The following B3GALT1 variants were observed in gnomAD, a reference collection of about 807,000 sequenced individuals.
B3GALT1 encodes the protein beta-1,3-galactosyltransferase 1.
B3GALT1 carries 10 observed loss-of-function variants against 23.2 expected under a neutral mutation model. The ratio of observed to expected loss-of-function variants is 0.43; its 90% CI spans 0.27 to 0.73. The LOEUF (loss-of-function observed/expected upper bound fraction) is 0.73, where lower values mean the gene tolerates loss of function less well. Ranked by LOEUF, B3GALT1 falls within the 30% of genes least tolerant of loss-of-function variation. The pLI is 0.21. For missense variants in B3GALT1, 299 were observed against 405.4 expected (o/e 0.74, Z 2.25); for synonymous variants, 156 against 141.5 (o/e 1.10, Z -0.73).
chr2:167,633,899 T>A (rs1237314566), intron 2 of B3GALT1, among the ~76,000 whole-genome samples: 1 of 152,100 alleles, frequency 6.6e-6, no homozygotes, highest in Non-Finnish European at 1.5e-5. Context: ...TACATTCTTC[T>A]CAGCACCACA....
At position 167,555,160 on chromosome 2, in the gene B3GALT1, A is replaced by G. The variant is rs189672435; in HGVS notation, c.-410+64883A>G. ...CAAAGTCACAGTTTCTATCCAATCT[A>G]TTGGGAAAATCTCAGGGAAACAATA... On this transcript the variant is annotated intron_variant, in intron 2 of 4. Coordinates refer to ENST00000392690, the MANE Select transcript of B3GALT1 (RefSeq NM_020981.4). 3.9e-5 allele frequency among the ~76,000 whole-genome samples: 6 copies of G among 152,308 alleles called. No individual in the cohort carries two copies. In the East Asian group the frequency reaches 7.7e-4, roughly 20 times the overall value.
intron 3 of B3GALT1, among the ~76,000 whole-genome samples, chr2:167,767,579 A>G (rs1687999218): frequency 6.6e-6 from 1 of 152,200 alleles, no homozygotes. Flanking sequence ...GTGCAAAAAA[A>G]TATGAAATTC....
At chr2:167,306,004 T>C (rs1261788425) in intron 1 of B3GALT1, among the ~76,000 whole-genome samples, 3 of 152,068 alleles carry the variant, frequency 2.0e-5, no homozygotes, top group Admixed American at 1.3e-4. Flanking sequence ...GGTATAGCCC[T>C]TTTGGAAAAC....
intron 3 of B3GALT1, among the ~76,000 whole-genome samples, chr2:167,718,229 T>G (rs1687181449): frequency 6.6e-6 from 1 of 152,130 alleles, no homozygotes; most frequent in African/African-American, 2.4e-5. Flanking sequence ...GCAAGAGTTG[T>G]GTTAAATGTG....
chr2:167,715,594 A>C, intron 3 of B3GALT1: 2 of 1,613,894 alleles, frequency 1.2e-6, no homozygotes, highest in Non-Finnish European at 1.7e-6. Context: ...GAGAATGTTT[A>C]GATTTCTCTT....
At chr2:167,299,214 T>C (rs973240404) in intron 1 of B3GALT1, among the ~76,000 whole-genome samples, 2 of 152,212 alleles carry the variant, frequency 1.3e-5, no homozygotes, top group African/African-American at 2.4e-5. Flanking sequence ...CAGTAAGTCA[T>C]GTGGGTAACT....
At chr2:167,775,580 AAAC>A (rs1364627984) in intron 3 of B3GALT1, among the ~76,000 whole-genome samples, 4 of 151,784 alleles carry the variant, frequency 2.6e-5, no homozygotes, top group African/African-American at 4.8e-5. Context: ...AAAAAAAAAA[AAAC>A]AAAACACACA....
chr2:167,826,582 T>A, intron 4 of B3GALT1, among the ~76,000 whole-genome samples: 1 of 152,016 alleles, frequency 6.6e-6, no homozygotes, highest in Admixed American at 6.5e-5. Context: ...AGGGATCAGG[T>A]GATGACCAGT....
intron 1 of B3GALT1, among the ~76,000 whole-genome samples, chr2:167,410,446 G>C (rs573176658): frequency 6.8e-6 from 1 of 146,884 alleles, no homozygotes; most frequent in Admixed American, 6.9e-5. Context: ...AGCCGAGATC[G>C]CGCCACTGCA....
At chr2:167,798,445 T>C (rs1424301184) in intron 3 of B3GALT1, among the ~76,000 whole-genome samples, 4 of 152,224 alleles carry the variant, frequency 2.6e-5, no homozygotes. Flanking sequence ...TTAATCCATC[T>C]TGAGTTAATT....
rs1372248099 is a variant in B3GALT1, at chr2:167,654,353, C to T, written c.-352+7387C>T. Among the ~76,000 whole-genome samples the T allele has an allele frequency of 3.3e-5, 5 of 152,166 alleles. No homozygotes were observed. In the East Asian group the frequency reaches 9.7e-4, roughly 29 times the overall value. The stretch of plus-strand genomic sequence containing the variant: ...CAGCTTCTGCTGACCTCTGAGACTT[C>T]ACCCTGTGAAATCTCTTCCAGGCTT... On this transcript the variant is annotated intron_variant, in intron 3 of 4. Coordinates refer to ENST00000392690, the MANE Select transcript of B3GALT1 (RefSeq NM_020981.4).
intron 4 of B3GALT1, among the ~76,000 whole-genome samples, chr2:167,861,269 G>A (rs1690093898): frequency 6.6e-6 from 1 of 152,234 alleles, no homozygotes; most frequent in South Asian, 2.1e-4. Context: ...GGTAGGTTAA[G>A]TGTATTAAAT....
intron 3 of B3GALT1, among the ~76,000 whole-genome samples, chr2:167,728,376 G>T (rs1292750618): frequency 6.6e-6 from 1 of 152,142 alleles, no homozygotes; most frequent in Non-Finnish European, 1.5e-5. Context: ...GACAGCGTGA[G>T]ACTCCATCAA....
At chr2:167,732,615 T>G (rs1405239449) in intron 3 of B3GALT1, among the ~76,000 whole-genome samples, 1 of 152,156 alleles carries the variant, frequency 6.6e-6, no homozygotes, top group Non-Finnish European at 1.5e-5. Flanking sequence ...AATGGCTGAT[T>G]GCAAGGGAAA....
At chr2:167,859,748 C>T (rs1690064042) in intron 4 of B3GALT1, among the ~76,000 whole-genome samples, 1 of 152,078 alleles carries the variant, frequency 6.6e-6, no homozygotes, top group African/African-American at 2.4e-5. Flanking sequence ...TATGGGGTCT[C>T]TTAGAAAAGA....
intron 1 of B3GALT1, among the ~76,000 whole-genome samples, chr2:167,475,093 A>G (rs73022098): frequency 6.6e-6 from 1 of 152,182 alleles, no homozygotes; most frequent in Non-Finnish European, 1.5e-5. Context: ...TGCAATTTCA[A>G]TTACCTATGG....
At chr2:167,622,080 A>G (rs564773184) in intron 2 of B3GALT1, among the ~76,000 whole-genome samples, 24 of 152,246 alleles carry the variant, frequency 1.6e-4, no homozygotes, top group Non-Finnish European at 2.8e-4. Context: ...TACCTGCTCA[A>G]ATTGTTACCC....
In B3GALT1 at chr2:167,713,821, T is replaced by C. The variant is rs1403370753; in HGVS notation, c.-352+66855T>C. 1.9e-6 allele frequency: 3 copies of C among 1,592,898 alleles called. No individual in the cohort carries two copies. In the East Asian group the frequency reaches 6.7e-5, roughly 36 times the overall value. On this transcript the variant is annotated intron_variant, in intron 3 of 4. Transcript: ENST00000392690. Reference sequence around the variant, plus strand: ...CCCTCTGTGGATAGATGTTTCTCATTGCAAATGGAGCATGTGGTGGACCTG... The same window carrying C: ...CCCTCTGTGGATAGATGTTTCTCATCGCAAATGGAGCATGTGGTGGACCTG...
chr2:167,663,171 C>G (rs1224997264), intron 3 of B3GALT1, among the ~76,000 whole-genome samples: 1 of 141,312 alleles, frequency 7.1e-6, no homozygotes, highest in African/African-American at 2.6e-5. Context: ...CATGTGTTCT[C>G]ATTGTTCAAT....
Sources: gnomAD v4.1 joint callset for allele counts (sites outside exome capture counted in the v4.1 genomes callset) on GRCh38, gnomAD v4.1.1 for gene constraint, MANE v1.5 for transcripts, NCBI Gene and HGNC (gene_info 2026-07-23, HGNC 2026-07-21) for gene names.